AK5: variants seen among roughly 807,000 people sequenced by gnomAD.
AK5 encodes the protein adenylate kinase 5.
AK5 carries 27 observed loss-of-function variants against 69.5 expected under a neutral mutation model. The ratio of observed to expected loss-of-function variants is 0.39; its 90% confidence interval spans 0.29 to 0.54. The LOEUF is 0.54. AK5 is among the 20% of genes least tolerant of loss of function. The probability of loss-of-function intolerance (pLI) is 0.71; values close to 1 mark genes in which losing one functional copy is unlikely to be tolerated. For synonymous variants in AK5, 260 were observed against 244.4 expected (o/e 1.06, Z -0.60); for missense variants, 531 against 700.4 (o/e 0.76, Z 2.73).
chr1:77,376,056 T>C (rs1420441657), intron 6 of AK5, among the ~76,000 whole-genome samples: 1 of 152,340 alleles, frequency 6.6e-6, no homozygotes, highest in Non-Finnish European at 1.5e-5. Flanking sequence ...TTTAAAATGT[T>C]TAACAGTTTC....
intron 8 of AK5, among the ~76,000 whole-genome samples, chr1:77,462,635 G>T (rs566235383): frequency 5.3e-4 from 81 of 152,118 alleles, no homozygotes; most frequent in African/African-American, 2.0e-3. Flanking sequence ...ATCTCTTTCA[G>T]TATTAATACA....
In AK5 at chr1:77,486,343, T is replaced by G; in HGVS notation, c.1138T>G (p.Phe380Val). The change falls in exon 10 of 14, where the codon TTC (phenylalanine) becomes GTC (valine). Residue 380 changes from phenylalanine to valine, a missense_variant. Physicochemically the swap from Phe to Val is conservative, Grantham distance 50. Transcript: ENST00000354567. ...AGATTTGAGAAAGTGTAAAATTATT[T>G]TCATAATTGGTGAGTAACAGCCCTT... ...MEDLRKCKII[F>V]IIGGPGSGKG... is the part of the protein sequence containing the mutation. 6.3e-7 allele frequency: 1 copy of G among 1,579,752 alleles called. No homozygotes were observed. The highest frequency in any genetic ancestry group is 8.7e-7 in the Non-Finnish European group (1 of 1,152,218).
In AK5 at chr1:77,293,825, C is replaced by T. The variant is rs747264984; in HGVS notation, c.280C>T (p.Arg94Trp). ...TGAAAACTCAAACTTTCCATATCGGCGGTATGACCGGCTCCCTCCAATCCA... is the reference window on the plus strand; with the variant it reads ...TGAAAACTCAAACTTTCCATATCGGTGGTATGACCGGCTCCCTCCAATCCA... ...MPENSNFPYR[R>W]YDRLPPIHQF... Residue 94 changes from arginine (R) to tryptophan (W), a missense_variant, in exon 3 of 14, where the codon CGG (arginine) becomes TGG (tryptophan). Transcript: ENST00000354567. The T allele has an allele frequency of 9.3e-6, 15 of 1,606,848 alleles. No homozygotes were observed. Among genetic ancestry groups the T allele is most frequent in the African/African-American group, 4.0e-5 (3 of 74,596 alleles).
chr1:77,285,377 C>T (rs1658296090), intron 1 of AK5, among the ~76,000 whole-genome samples: 1 of 152,146 alleles, frequency 6.6e-6, no homozygotes, highest in Non-Finnish European at 1.5e-5. Flanking sequence ...TTGAACTTGG[C>T]TGATGGAGGT....
intron 13 of AK5, among the ~76,000 whole-genome samples, chr1:77,552,756 G>C (rs1383245636): frequency 1.3e-5 from 2 of 152,188 alleles, no homozygotes; most frequent in African/African-American, 4.8e-5. Flanking sequence ...ATGTGTTCTT[G>C]GCCAGGCACA....
At position 77,555,827 on chromosome 1, in the gene AK5, G is replaced by C. The variant is rs147744011; in HGVS notation, c.1621-2775G>C. Among the ~76,000 whole-genome samples, 166 of 152,328 alleles carry C rather than the reference G, an allele frequency of 1.1e-3. 1 individual carries two copies. Among genetic ancestry groups the C allele is most frequent in the African/African-American group, 3.9e-3 (163 of 41,578 alleles). On this transcript the variant is annotated intron_variant, in intron 13 of 13. Transcript: ENST00000354567. ...ACTGAGCGTGAGCTCTTGGAAAACA[G>C]GACCATTGTTTCTCGTTCAACTTGG...
At chr1:77,483,444 A>G (rs7528932) in intron 9 of AK5, 85 bp downstream of exon 9, 7 of 1,067,684 alleles carry the variant, frequency 6.6e-6, no homozygotes, top group African/African-American at 1.6e-5. Context: ...ACTTGAGAGA[A>G]AAAATATTAA....
At chr1:77,460,170 A>C (rs1201483159) in intron 8 of AK5, among the ~76,000 whole-genome samples, 3 of 152,252 alleles carry the variant, frequency 2.0e-5, no homozygotes, top group Non-Finnish European at 2.9e-5. Context: ...GACTGTGTCC[A>C]ATCAATGCTG....
chr1:77,488,070 GGA>G (rs1655718051), intron 10 of AK5, among the ~76,000 whole-genome samples: 1 of 152,138 alleles, frequency 6.6e-6, no homozygotes, highest in African/African-American at 2.4e-5. Flanking sequence ...AGAGATAAAA[GGA>G]GAGATGGGCC....
chr1:77,522,756 A>G (rs1036008811), intron 12 of AK5, among the ~76,000 whole-genome samples: 3 of 152,218 alleles, frequency 2.0e-5, no homozygotes, highest in African/African-American at 7.2e-5. Flanking sequence ...TAATCTTACA[A>G]GTCCAGGCAA....
intron 12 of AK5, chr1:77,531,987 CAT>C (rs1491395142): frequency 1.1e-4 from 12 of 113,354 alleles, no homozygotes; most frequent in South Asian, 5.5e-4. Context: ...TGCCTGCGGC[CAT>C]CCGGCCGGCC....
At chr1:77,435,452 A>G (rs542688056) in intron 8 of AK5, among the ~76,000 whole-genome samples, 1 of 152,106 alleles carries the variant, frequency 6.6e-6, no homozygotes, top group Non-Finnish European at 1.5e-5. Context: ...GACCGAGACC[A>G]TCGTGGCCTA....
At chr1:77,378,395 C>G (rs1346098456) in intron 6 of AK5, among the ~76,000 whole-genome samples, 2 of 152,090 alleles carry the variant, frequency 1.3e-5, no homozygotes, top group African/African-American at 4.8e-5. Flanking sequence ...GATATCAGCT[C>G]ACTGCAACCT....
Position 77,488,857 on chromosome 1 carries a change from C to G in AK5, c.1147+2505C>G, listed in dbSNP as rs144277208. Reference sequence around the variant, plus strand: ...TTAATCCCTTTTGGCAACAGCCTCACAGACACACCCAGGATCAATACTTTG... The same window carrying G: ...TTAATCCCTTTTGGCAACAGCCTCAGAGACACACCCAGGATCAATACTTTG... On this transcript the variant is annotated intron_variant, in intron 10 of 13. Coordinates refer to ENST00000354567, the MANE Select transcript of AK5 (RefSeq NM_174858.3). Among the ~76,000 whole-genome samples, 878 of 152,308 alleles carry G rather than the reference C, an allele frequency of 5.8e-3. 7 individuals carry two copies. The highest frequency in any genetic ancestry group is 0.02 in the African/African-American group (831 of 41,564).
chr1:77,524,207 C>T (rs1247456534), intron 12 of AK5, among the ~76,000 whole-genome samples: 4 of 152,204 alleles, frequency 2.6e-5, no homozygotes, highest in Admixed American at 2.6e-4. Context: ...GGGTTGCTTT[C>T]ACTTTCTGGC....
intron 6 of AK5, among the ~76,000 whole-genome samples, chr1:77,395,763 T>C (rs1225117129): frequency 1.3e-5 from 2 of 152,208 alleles, no homozygotes; most frequent in African/African-American, 4.8e-5. Flanking sequence ...AGGACACATA[T>C]AAACAGGTTT....
At chr1:77,453,362 A>C (rs1486297267) in intron 8 of AK5, among the ~76,000 whole-genome samples, 2 of 152,198 alleles carry the variant, frequency 1.3e-5, no homozygotes, top group Non-Finnish European at 2.9e-5. Context: ...ATTTTTTCAT[A>C]TTTTAACCCC....
At chr1:77,463,276 T>C (rs1311893734) in intron 8 of AK5, among the ~76,000 whole-genome samples, 2 of 152,230 alleles carry the variant, frequency 1.3e-5, no homozygotes, top group Non-Finnish European at 2.9e-5. Context: ...ACAGTTAGTC[T>C]GATCATGATC....
At chr1:77,318,758 A>G (rs1447663395) in intron 5 of AK5, among the ~76,000 whole-genome samples, 2 of 151,316 alleles carry the variant, frequency 1.3e-5, no homozygotes, top group African/African-American at 4.9e-5. Context: ...TCTCTTGGAC[A>G]TCTTCCTTTA....
Sources: allele counts gnomAD v4.1 joint callset (sites outside exome capture counted in the v4.1 genomes callset), GRCh38; gene constraint gnomAD v4.1.1; transcripts MANE v1.5; gene names NCBI Gene and HGNC (gene_info 2026-07-23, HGNC 2026-07-21).